The following VLDLR variants were observed in gnomAD, a reference collection of about 807,000 sequenced individuals.
VLDLR encodes the protein very low density lipoprotein receptor.
A neutral mutation model predicts 112.7 loss-of-function variants in VLDLR; 81 were observed. The observed-to-expected ratio is 0.72, with a 90% CI of 0.60 to 0.86. The LOEUF is 0.86. Among genes scored for constraint, VLDLR ranks in the 40% least tolerant of loss-of-function variants. The probability of loss-of-function intolerance (pLI) is 0.00; values close to 1 mark genes in which losing one functional copy is unlikely to be tolerated. For synonymous variants in VLDLR, 436 were observed against 384.8 expected (o/e 1.13, Z -1.56); for missense variants, 1,237 against 1,099.4 (o/e 1.13, Z -1.77).
chr9:2,645,792 C>G, intron 10 of VLDLR, 47 bp downstream of exon 10: 1 of 1,610,660 alleles, frequency 6.2e-7, no homozygotes, highest in Non-Finnish European at 8.5e-7. Flanking sequence ...GTCATTGTCA[C>G]TTGGGAAGTG....
At chr9:2,651,596 C>A (rs761967651) in intron 16 of VLDLR, 98 bp downstream of exon 16, 2 of 1,155,578 alleles carry the variant, frequency 1.7e-6, no homozygotes, top group Non-Finnish European at 2.5e-6. Context: ...ACTACTATTT[C>A]TGCCCCAATT....
Position 2,647,455 on chromosome 9 carries a change from C to T in VLDLR, c.1704-19C>T, listed in dbSNP as rs1258821239. 2 of 1,604,096 alleles carry T rather than the reference C, an allele frequency of 1.2e-6. No homozygotes were observed. Among genetic ancestry groups the T allele is most frequent in the Non-Finnish European group, 1.7e-6 (2 of 1,170,966 alleles). On this transcript the variant is annotated intron_variant, in intron 11 of 18. Transcript: ENST00000382100. ...CCTTCTAAACCACTGAGGCTTATTT[C>T]TCATTTAATTTTTCACAGCTTTGTT...
At chr9:2,623,401 T>C (rs1182222999) in intron 1 of VLDLR, among the ~76,000 whole-genome samples, 2 of 152,238 alleles carry the variant, frequency 1.3e-5, no homozygotes, top group African/African-American at 4.8e-5. Flanking sequence ...GAATTGGGAC[T>C]GAAAGCCGCC....
Position 2,622,146 on chromosome 9 carries a change from A to G in VLDLR, c.-44A>G, listed in dbSNP as rs1477713525. 6.5e-6 allele frequency: 9 copies of G among 1,392,264 alleles called. No homozygotes were observed. The African/African-American group carries it at 9.0e-5, about 14-fold the overall frequency. The allele number at this position is 1,392,264 out of a possible 1,614,324, so 86.2% of individuals were successfully genotyped here. On this transcript the variant is annotated 5_prime_UTR_variant, in exon 1 of 19. Transcript: ENST00000382100. The stretch of plus-strand genomic sequence containing the variant: ...ACTGGTAACTTGTCGTGCGGAGCGA[A>G]CGGCGGCGGCGGCGGCGGCGGCGGC...
chr9:2,644,444 C>G (rs1366443342), intron 7 of VLDLR, among the ~76,000 whole-genome samples: 1 of 150,834 alleles, frequency 6.6e-6, no homozygotes, highest in Non-Finnish European at 1.5e-5. Context: ...GCTGGGATTA[C>G]AGGCATGAGC....
Position 2,652,966 on chromosome 9 carries a change from T to A in VLDLR, c.2586+17T>A, listed in dbSNP as rs200597263. 8 of 1,613,938 alleles carry A rather than the reference T, an allele frequency of 5.0e-6. No homozygotes were observed. The highest frequency in any genetic ancestry group is 6.8e-6 in the Non-Finnish European group (8 of 1,179,878). The stretch of plus-strand genomic sequence containing the variant: ...TACCCAGCAGTAAGTCAGCTTTGTG[T>A]CTTTATACACCATGGCTTGAAGTGA... On this transcript the variant is annotated intron_variant, in intron 18 of 18. Transcript: ENST00000382100.
rs540371859 is a variant in VLDLR at position 2,639,842 on chromosome 9, C to G, written c.203-17C>G. The G allele has an allele frequency of 4.3e-6, 7 of 1,614,084 alleles. No homozygotes were observed. The highest frequency in any genetic ancestry group is 2.2e-5 in the South Asian group (2 of 91,082). On this transcript the variant is annotated splice_polypyrimidine_tract_variant and intron_variant, in intron 2 of 18. Coordinates refer to ENST00000382100, the MANE Select transcript of VLDLR (RefSeq NM_003383.5). ...GTAAATGACTTCAACTTTAACCCTT[C>G]AAATAAACGTTTGTAGTAAAGAAGA...
intron 2 of VLDLR, among the ~76,000 whole-genome samples, chr9:2,638,654 G>A (rs1318446951): frequency 6.6e-6 from 1 of 152,136 alleles, no homozygotes; most frequent in Non-Finnish European, 1.5e-5. Context: ...GGACAGTCCT[G>A]GTTTATGCTT....
chr9:2,630,851 T>C (rs1473457481), intron 1 of VLDLR, among the ~76,000 whole-genome samples: 1 of 152,176 alleles, frequency 6.6e-6, no homozygotes, highest in African/African-American at 2.4e-5. Context: ...CTAAAAAGCT[T>C]CTGCACAGCA....
chr9:2,621,800 G>T lies in VLDLR; in HGVS notation c.-390G>T. The T allele has an allele frequency of 2.1e-6, 1 of 481,690 alleles. No homozygotes were observed. The highest frequency in any genetic ancestry group is 4.0e-6 in the Non-Finnish European group (1 of 251,534). The allele number at this position is 481,690 out of a possible 1,614,324, so 29.8% of individuals were successfully genotyped here. On this transcript the variant is annotated 5_prime_UTR_variant, in exon 1 of 19. Coordinates refer to ENST00000382100, the MANE Select transcript of VLDLR (RefSeq NM_003383.5). Reference sequence around the variant, plus strand: ...TCCCCGCTGCTCACCCCGCTCTCCGGCCGCCGCCGGTGCGGGTGCTCCGCT... The same window carrying T: ...TCCCCGCTGCTCACCCCGCTCTCCGTCCGCCGCCGGTGCGGGTGCTCCGCT...
In VLDLR at chr9:2,646,422, A is replaced by G. The variant is rs759573914; in HGVS notation, c.1573A>G (p.Lys525Glu). 1.2e-6 allele frequency: 2 copies of G among 1,614,172 alleles called. No homozygotes were observed. Among genetic ancestry groups the G allele is most frequent in the Non-Finnish European group, 1.7e-6 (2 of 1,180,018 alleles). The change falls in exon 11 of 19, where the codon AAG (lysine) becomes GAG (glutamate). Residue 525 changes from lysine (K) to glutamate (E), a missense_variant. By Grantham distance (56) the Lys-to-Glu change is moderately conservative. Transcript: ENST00000382100. ...PAAIAVDWVY[K>E]TIYWTDAASK... ...AGCCATTGCTGTTGATTGGGTGTACAAGACCATCTACTGGACTGATGCGGC... is the reference window on the plus strand; with the variant it reads ...AGCCATTGCTGTTGATTGGGTGTACGAGACCATCTACTGGACTGATGCGGC...
At chr9:2,646,609 C>A in intron 11 of VLDLR, 57 bp downstream of exon 11, 1 of 1,479,148 alleles carries the variant, frequency 6.8e-7, no homozygotes, top group Non-Finnish European at 9.4e-7. Context: ...AGGTCAGGAG[C>A]TTTCTCATAC....
At chr9:2,644,711 T>G in intron 7 of VLDLR, 23 bp from the exon 8 acceptor site, 1 of 1,614,064 alleles carries the variant, frequency 6.2e-7, no homozygotes, top group Non-Finnish European at 8.5e-7. Context: ...AGTTGTCAAG[T>G]GACTACTACA....
At chr9:2,633,102 G>T (rs1345502934) in intron 1 of VLDLR, among the ~76,000 whole-genome samples, 2 of 151,524 alleles carry the variant, frequency 1.3e-5, no homozygotes, top group African/African-American at 4.9e-5. Context: ...GAGAGAGAGG[G>T]AGTAAAACAC....
intron 13 of VLDLR, 84 bp downstream of exon 13, chr9:2,648,431 G>A (rs1320706479): frequency 5.3e-5 from 85 of 1,599,056 alleles, no homozygotes; most frequent in Non-Finnish European, 6.8e-5. Flanking sequence ...CGGGAGGAGG[G>A]AAGAGCAGCT....
intron 17 of VLDLR, 43 bp downstream of exon 17, chr9:2,651,997 A>G: frequency 6.3e-7 from 1 of 1,593,310 alleles, no homozygotes; most frequent in Non-Finnish European, 8.6e-7. Flanking sequence ...AACTTCTTAG[A>G]TACCAGATGA....
chr9:2,652,301 T>C (rs17712698), intron 17 of VLDLR, among the ~76,000 whole-genome samples: 22,488 of 152,250 alleles, frequency 0.15, 1,976 homozygotes, highest in Non-Finnish European at 0.19. Context: ...ACAGAGGAGA[T>C]GCACAAATGC....
intron 4 of VLDLR, 89 bp downstream of exon 4, chr9:2,641,588 G>A (rs758162533): frequency 5.7e-6 from 9 of 1,587,926 alleles, no homozygotes; most frequent in African/African-American, 1.3e-5. Context: ...GCCTGAAGAC[G>A]CACTGACATT....
At chr9:2,624,481 C>T (rs940013242) in intron 1 of VLDLR, among the ~76,000 whole-genome samples, 2 of 152,336 alleles carry the variant, frequency 1.3e-5, no homozygotes, top group South Asian at 4.1e-4. Flanking sequence ...AGTTGGTATA[C>T]CTGATTGCAC....
Sources: gnomAD v4.1 joint callset for allele counts (sites outside exome capture counted in the v4.1 genomes callset) on GRCh38, gnomAD v4.1.1 for gene constraint, MANE v1.5 for transcripts, NCBI Gene and HGNC (gene_info 2026-07-23, HGNC 2026-07-21) for gene names.